Variants in SIM1 observed in about 807,000 individuals in gnomAD.
SIM1 encodes the protein SIM bHLH transcription factor 1.
SIM1 carries 18 observed loss-of-function variants against 78.2 expected under a neutral mutation model. The observed-to-expected ratio is 0.23, with a 90% CI of 0.16 to 0.34. SIM1 has a LOEUF of 0.34. Among genes scored for constraint, SIM1 ranks in the 10% least tolerant of loss-of-function variants. The pLI is 1.00. For synonymous variants in SIM1, 417 were observed against 385.2 expected (o/e 1.08, Z -0.97); for missense variants, 939 against 975.1 (o/e 0.96, Z 0.49).
At chr6:100,435,041 G>A (rs183634012) in intron 9 of SIM1, among the ~76,000 whole-genome samples, 26 of 152,280 alleles carry the variant, frequency 1.7e-4, no homozygotes, top group Admixed American at 3.9e-4. Flanking sequence ...TGGGTGACAC[G>A]TTGATTGTTG....
chr6:100,398,720 G>A (rs535384746), intron 10 of SIM1, among the ~76,000 whole-genome samples: 9 of 152,134 alleles, frequency 5.9e-5, no homozygotes, highest in African/African-American at 2.2e-4. Flanking sequence ...ATGAAGCTAC[G>A]ATGAACATGG....
At chr6:100,458,018 CTCTCTCT>C (rs1562064251) in intron 2 of SIM1, among the ~76,000 whole-genome samples, 5,046 of 87,572 alleles carry the variant, frequency 0.058, 288 homozygotes, top group East Asian at 0.085. Flanking sequence ...CTCTCTCTCT[CTCTCTCT>C]CTCTCTCTCT....
rs956092699 is a variant in SIM1 at position 100,386,323 on chromosome 6, T to C, written c.*4038A>G. ...ATGGTCAAATGCTCAATTTTCCAAA[T>C]ATCAGCATTCACTCTGTCACTTCTA... On this transcript the variant is annotated 3_prime_UTR_variant, in exon 12 of 12. Coordinates refer to ENST00000369208, the MANE Select transcript of SIM1 (RefSeq NM_005068.3). 1.4e-4 allele frequency: 21 copies of C among 152,010 alleles called. 1 individual carries two copies. The highest frequency in any genetic ancestry group is 1.2e-3 in the Admixed American group (18 of 15,262). The allele number at this position is 152,010 out of a possible 1,614,324, so 9.4% of individuals were successfully genotyped here.
intron 2 of SIM1, among the ~76,000 whole-genome samples, chr6:100,455,669 A>C (rs1346382097): frequency 6.6e-6 from 1 of 152,216 alleles, no homozygotes; most frequent in Non-Finnish European, 1.5e-5. Flanking sequence ...CGGAGGCCTT[A>C]AACCCCAAAG....
intron 6 of SIM1, 86 bp from the exon 7 acceptor site, chr6:100,448,764 C>T: frequency 1.6e-6 from 2 of 1,250,250 alleles, no homozygotes; most frequent in Non-Finnish European, 2.2e-6. Context: ...CATGTTGAAA[C>T]TCTGCTTAGC....
chr6:100,464,466 G>A (rs1439331344), intron 1 of SIM1, 148 bp downstream of exon 1: 1 of 152,206 alleles, frequency 6.6e-6, no homozygotes, highest in Non-Finnish European at 1.5e-5. Context: ...CAACAAGCGG[G>A]GCCCAGCAGC....
chr6:100,418,459 C>T (rs1213104878), intron 10 of SIM1, among the ~76,000 whole-genome samples: 3 of 151,958 alleles, frequency 2.0e-5, no homozygotes, highest in East Asian at 1.9e-4. Context: ...AATCATAGAA[C>T]GTGTATAACT....
rs924228305 is a variant in SIM1 at position 100,432,367 on chromosome 6, G to A, written c.999-11409C>T. Among the ~76,000 whole-genome samples the A allele has an allele frequency of 2.0e-5, 3 of 152,200 alleles. No individual in the cohort carries two copies. The East Asian group carries it at 5.8e-4, about 29-fold the overall frequency. On this transcript the variant is annotated intron_variant, in intron 9 of 11. Transcript: ENST00000369208. ...GATTTGCATTCTTAACAAGCTACTG[G>A]GTGGTGCTGATGCTACAATCAGGGG... is the stretch of plus-strand genomic sequence containing the variant.
Position 100,390,739 on chromosome 6 carries a change from C to T in SIM1, c.1923G>A (p.Leu641=), listed in dbSNP as rs1031567699. 2.5e-6 allele frequency: 4 copies of T among 1,614,026 alleles called. No individual in the cohort carries two copies. The highest frequency in any genetic ancestry group is 4.5e-5 in the East Asian group (2 of 44,876). The change falls in exon 12 of 12, where the codon TTG becomes TTA. Residue 641 remains leucine (L), a synonymous_variant. Transcript: ENST00000369208. ...DHIQQREGKM[L]SPHENDYDNS... is the part of the protein sequence containing the mutation. ...TGTCATAGTCATTTTCATGGGGGCT[C>T]AACATTTTTCCCTCTCTCTGCTGGA...
chr6:100,407,787 C>A lies in SIM1; in HGVS notation c.1167+13003G>T, dbSNP rs111689797. On this transcript the variant is annotated intron_variant, in intron 10 of 11. Transcript: ENST00000369208. ...GTCAGGTCCTTTGCTCATTTTTAAT[C>A]AAATATTTCCTTCTTCTTTTCTTTC... Among the ~76,000 whole-genome samples the A allele has an allele frequency of 3.1e-3, 469 of 152,030 alleles. 1 individual carries two copies. The highest frequency in any genetic ancestry group is 0.011 in the African/African-American group (454 of 41,548).
chr6:100,450,875 C>T (rs1021925199), intron 3 of SIM1, among the ~76,000 whole-genome samples: 2 of 152,080 alleles, frequency 1.3e-5, no homozygotes, highest in Non-Finnish European at 2.9e-5. Flanking sequence ...AGAAAGCTGG[C>T]CAGTGACTCT....
At chr6:100,437,284 A>G (rs902259885) in intron 9 of SIM1, 2 of 152,180 alleles carry the variant, frequency 1.3e-5, no homozygotes, top group Non-Finnish European at 2.9e-5. Flanking sequence ...AAGAAGCCTA[A>G]GGTTTAGACT....
intron 9 of SIM1, among the ~76,000 whole-genome samples, chr6:100,431,932 C>T (rs963874707): frequency 6.6e-6 from 1 of 152,072 alleles, no homozygotes; most frequent in Non-Finnish European, 1.5e-5. Flanking sequence ...TTGCTTGAGG[C>T]CAGGAGTTCA....
intron 10 of SIM1, among the ~76,000 whole-genome samples, chr6:100,405,735 C>A (rs1771036844): frequency 1.3e-5 from 2 of 152,038 alleles, no homozygotes; most frequent in South Asian, 4.1e-4. Context: ...CCACCCCACC[C>A]CCCAAAAAAA....
chr6:100,408,006 TTGCTTTTGTTGTCAG>T (rs1376999248), intron 10 of SIM1, among the ~76,000 whole-genome samples: 9 of 152,182 alleles, frequency 5.9e-5, no homozygotes, highest in Admixed American at 5.2e-4. Flanking sequence ...TGATTTATTT[TTGCTTTTGTTGTCAG>T]TGCTTTTGGT....
At chr6:100,403,055 A>T (rs2114477654) in intron 10 of SIM1, among the ~76,000 whole-genome samples, 1 of 152,336 alleles carries the variant, frequency 6.6e-6, no homozygotes, top group Non-Finnish European at 1.5e-5. Flanking sequence ...ATCTAGCTTT[A>T]ATTTTCCTGA....
intron 10 of SIM1, among the ~76,000 whole-genome samples, chr6:100,395,196 C>T (rs916081429): frequency 2.6e-5 from 4 of 152,130 alleles, no homozygotes; most frequent in African/African-American, 9.7e-5. Flanking sequence ...AAAGAGATTA[C>T]CTACTATGAT....
intron 10 of SIM1, among the ~76,000 whole-genome samples, chr6:100,410,982 G>T (rs751041276): frequency 3.3e-5 from 5 of 152,162 alleles, no homozygotes; most frequent in Non-Finnish European, 5.9e-5. Context: ...ACAGAAAATA[G>T]TTTAAGATAC....
chr6:100,458,749 C>T (rs2114556022), intron 2 of SIM1, among the ~76,000 whole-genome samples: 1 of 152,316 alleles, frequency 6.6e-6, no homozygotes, highest in East Asian at 1.9e-4. Context: ...CCCTGTCGGC[C>T]CTGCGCCGCC....
Sources: gnomAD v4.1 joint callset for allele counts (sites outside exome capture counted in the v4.1 genomes callset) on GRCh38, gnomAD v4.1.1 for gene constraint, MANE v1.5 for transcripts, NCBI Gene and HGNC (gene_info 2026-07-23, HGNC 2026-07-21) for gene names.